The following MAP3K4 variants were observed in gnomAD, a reference collection of about 807,000 sequenced individuals.
MAP3K4 encodes the protein mitogen-activated protein kinase kinase kinase 4.
Under a neutral mutation model 185.6 loss-of-function variants are expected in MAP3K4, and 67 were observed. The ratio of observed to expected loss-of-function variants is 0.36; its 90% CI spans 0.30 to 0.44. The LOEUF (loss-of-function observed/expected upper bound fraction) is 0.44, where lower values mean the gene tolerates loss of function less well. MAP3K4 is among the 20% of genes least tolerant of loss of function. The pLI, the probability that MAP3K4 is intolerant of heterozygous loss-of-function variation, is 1.00. For synonymous variants in MAP3K4, 702 were observed against 710.4 expected, an observed-to-expected ratio of 0.99 and a Z score of 0.19; for missense variants, 1,551 against 1,995.1, an observed-to-expected ratio of 0.78 and a Z score of 4.24.
At position 161,071,870 on chromosome 6, in the gene MAP3K4, T is replaced by A. The variant is rs1784959849; in HGVS notation, c.1950+1020T>A. On this transcript the variant is annotated intron_variant, in intron 4 of 26. Coordinates refer to ENST00000392142, the MANE Select transcript of MAP3K4 (RefSeq NM_005922.4). This position sits in a 1 kb window ranked among gnomAD's most constrained non-coding sequence, Gnocchi z 4.6. ...ATCGCAGTGGTTATCTAGGACATTT[T>A]GGGAAAATACTTCTCAGCTTCCTTC... 6.6e-6 allele frequency among the ~76,000 whole-genome samples: 1 copy of A among 152,210 alleles called. No individual in the cohort carries two copies. Among genetic ancestry groups the A allele is most frequent in the African/African-American group, 2.4e-5 (1 of 41,454 alleles).
chr6:161,059,376 ATCTGCCTGCCTTGG>A lies in MAP3K4; in HGVS notation c.1707+9401_1707+9414del, dbSNP rs1205201530. On this transcript the variant is annotated intron_variant, in intron 3 of 26. Transcript: ENST00000392142. ...GGTCTCGAACTCCTGGCCTCAAGTG[ATCTGCCTGCCTTGG>A]TCTCCCAAAGTACTGGGATTACAGG... Among the ~76,000 whole-genome samples the A allele has an allele frequency of 2.6e-5, 4 of 152,112 alleles. No individual in the cohort carries two copies. The East Asian group carries it at 7.7e-4, about 29-fold the overall frequency.
Position 161,019,707 on chromosome 6 carries a change from C to A in MAP3K4, c.153-14552C>A, listed in dbSNP as rs549099734. On this transcript the variant is annotated intron_variant, in intron 1 of 26. Coordinates refer to ENST00000392142, the MANE Select transcript of MAP3K4 (RefSeq NM_005922.4). ...TACAGGCGTGAGCTGTGGACCACGC[C>A]CAGCCTTTCTTTCAGAAGGCTTTTT... 1.1e-4 allele frequency among the ~76,000 whole-genome samples: 16 copies of A among 152,270 alleles called. No individual in the cohort carries two copies. In the South Asian group the frequency reaches 3.3e-3, roughly 32 times the overall value.
Position 161,063,230 on chromosome 6 carries a change from CATT to C in MAP3K4, c.1708-7374_1708-7372del, listed in dbSNP as rs1271259239. On this transcript the variant is annotated intron_variant, in intron 3 of 26. Coordinates refer to ENST00000392142, the MANE Select transcript of MAP3K4 (RefSeq NM_005922.4). This position sits in a 1 kb window ranked among gnomAD's most constrained non-coding sequence, Gnocchi z 5.4. ...TTTTTTTTCTAATTCTAATTTTTGT[CATT>C]ATTTTATATTTTTTATGATTTTCTT... 2.0e-5 allele frequency among the ~76,000 whole-genome samples: 3 copies of C among 151,600 alleles called. No individual in the cohort carries two copies. Among genetic ancestry groups the C allele is most frequent in the Middle Eastern group, 3.2e-3 (1 of 316 alleles).
In MAP3K4 at chr6:161,116,640, C is replaced by A. The variant is rs1034627637; in HGVS notation, c.4807-210C>A. ...ATATAGGCGTTTTAGAAAATGCTTT[C>A]ATTAGTCAGTTCCCAGGCTTAACTT... On this transcript the variant is annotated intron_variant, in intron 26 of 26. Transcript: ENST00000392142. The surrounding 1 kb of genome is among the most constrained non-coding windows in gnomAD (Gnocchi z 6.2). Among the ~76,000 whole-genome samples the A allele has an allele frequency of 5.9e-5, 9 of 152,204 alleles. No individual in the cohort carries two copies. Among genetic ancestry groups the A allele is most frequent in the Non-Finnish European group, 1.0e-4 (7 of 68,038 alleles).
intron 2 of MAP3K4, among the ~76,000 whole-genome samples, chr6:161,036,558 A>C (rs2035609053): frequency 6.6e-6 from 1 of 152,178 alleles, no homozygotes; most frequent in Admixed American, 6.5e-5. Context: ...GGCTTCTTAA[A>C]TTTAATGTTT....
chr6:161,111,963 G>C lies in MAP3K4; in HGVS notation c.4519+5G>C, dbSNP rs1420242314. ...ACAGCACCCTGGGGACAGCAGGTAGGGACCAGCCTGGTTGTTCTTTGCACT... is the reference window on the plus strand; with the variant it reads ...ACAGCACCCTGGGGACAGCAGGTAGCGACCAGCCTGGTTGTTCTTTGCACT... On this transcript the variant is annotated splice_donor_5th_base_variant and intron_variant, in intron 24 of 26. Coordinates refer to ENST00000392142, the MANE Select transcript of MAP3K4 (RefSeq NM_005922.4). 6.2e-7 allele frequency: 1 copy of C among 1,613,396 alleles called. No individual in the cohort carries two copies. The highest frequency in any genetic ancestry group is 1.3e-5 in the African/African-American group (1 of 74,904).
Position 161,049,764 on chromosome 6 carries a change from G to C in MAP3K4, c.1492G>C (p.Glu498Gln). Residue 498 changes from glutamate to glutamine, a missense_variant, in exon 3 of 27, where the codon GAA becomes CAA. By Grantham distance (29) the Glu-to-Gln change is conservative (BLOSUM62 2). Around this residue, in one of 16 missense-constraint regions of MAP3K4, gnomAD observed 126 missense variants for 112.8 expected, o/e 1.12. Transcript: ENST00000392142. This position sits in a 1 kb window ranked among gnomAD's most constrained non-coding sequence, Gnocchi z 8.4. ...DCISKKLERLESEDDSLGWGA... is the reference protein window; with the variant it reads ...DCISKKLERLQSEDDSLGWGA... The stretch of plus-strand genomic sequence containing the variant: ...CATATCCAAGAAGCTTGAGAGGCTC[G>C]AATCTGAGGATGATTCTCTTGGCTG... 2 of 1,614,090 alleles carry C rather than the reference G, an allele frequency of 1.2e-6. No homozygotes were observed. The highest frequency in any genetic ancestry group is 1.7e-6 in the Non-Finnish European group (2 of 1,180,014).
rs1354200515 is a variant in MAP3K4 at position 161,097,128 on chromosome 6, G to A, written c.3476G>A (p.Ser1159Asn). ...CCTATGAAGGTACCTCGATGCCATA[G>A]TGACCCTCCTAACCCACACCTCATT... The part of the protein sequence containing the change: ...PRPMKVPRCH[S>N]DPPNPHLIIP... Residue 1159 changes from serine (S) to asparagine (N), a missense_variant, in exon 16 of 27, where the codon AGT (serine) becomes AAT (asparagine). Ser to Asn is a conservative substitution (Grantham distance 46). Coordinates refer to ENST00000392142, the MANE Select transcript of MAP3K4 (RefSeq NM_005922.4). This position sits in a 1 kb window ranked among gnomAD's most constrained non-coding sequence, Gnocchi z 4.9. 3.1e-6 allele frequency: 5 copies of A among 1,614,138 alleles called. No homozygotes were observed. The highest frequency in any genetic ancestry group is 4.2e-6 in the Non-Finnish European group (5 of 1,180,018).
At chr6:161,065,113 G>A (rs1784649751) in intron 3 of MAP3K4, among the ~76,000 whole-genome samples, 1 of 152,156 alleles carries the variant, frequency 6.6e-6, no homozygotes, top group African/African-American at 2.4e-5. Flanking sequence ...TCACTAGGAG[G>A]AAGTTGTATA....
In MAP3K4 at chr6:161,029,083, C is replaced by T. The variant is rs572006456; in HGVS notation, c.153-5176C>T. 1.1e-4 allele frequency among the ~76,000 whole-genome samples: 16 copies of T among 152,290 alleles called. No homozygotes were observed. In the Middle Eastern group the frequency reaches 0.01, roughly 97 times the overall value. On this transcript the variant is annotated intron_variant, in intron 1 of 26. Transcript: ENST00000392142. ...TTCTGCCTATGTCCCTCCTCTCTTT[C>T]CCCCAATAGCAGAAATCTCCCTAAT...
Position 161,049,315 on chromosome 6 carries a change from GGGTCTCATTT to G in MAP3K4, c.1045_1054del (p.Val349SerfsTer3). The G allele has an allele frequency of 6.2e-7, 1 of 1,614,184 alleles. No homozygotes were observed. Among genetic ancestry groups the G allele is most frequent in the Non-Finnish European group, 8.5e-7 (1 of 1,180,024 alleles). On this transcript the variant is annotated frameshift_variant, in exon 3 of 27. Coordinates refer to ENST00000392142, the MANE Select transcript of MAP3K4 (RefSeq NM_005922.4). LOFTEE classifies it high-confidence loss of function. The surrounding 1 kb of genome is among the most constrained non-coding windows in gnomAD (Gnocchi z 8.4). Reference sequence around the variant, plus strand: ...CATCATGAGCATCTCCAACGCCAGAGGGTCTCATTTGAGCAGGTAAAACGGATAATGGAGC... The same window carrying G: ...CATCATGAGCATCTCCAACGCCAGAGGAGCAGGTAAAACGGATAATGGAGC...
rs1159658513 is a variant in MAP3K4 at position 161,053,985 on chromosome 6, G to A, written c.1707+4006G>A. Among the ~76,000 whole-genome samples the A allele has an allele frequency of 6.6e-6, 1 of 152,174 alleles. No homozygotes were observed. The highest frequency in any genetic ancestry group is 6.5e-5 in the Admixed American group (1 of 15,282). On this transcript the variant is annotated intron_variant, in intron 3 of 26. Transcript: ENST00000392142. The surrounding 1 kb of genome is among the most constrained non-coding windows in gnomAD (Gnocchi z 4.2). ...TATTTTGCAGTTTTTGTGGTTTCGT[G>A]ATAATAGGAATGAATATAGGTGAAG...
chr6:161,040,914 T>C (rs1783421070), intron 2 of MAP3K4, among the ~76,000 whole-genome samples: 2 of 152,262 alleles, frequency 1.3e-5, no homozygotes, highest in Admixed American at 6.5e-5. Flanking sequence ...TTCTGCATGC[T>C]GCTGGCCAGT....
rs1785116717 is a variant in MAP3K4 at position 161,075,236 on chromosome 6, T to C, written c.2097+1624T>C. On this transcript the variant is annotated intron_variant, in intron 5 of 26. Coordinates refer to ENST00000392142, the MANE Select transcript of MAP3K4 (RefSeq NM_005922.4). The surrounding 1 kb of genome is among the most constrained non-coding windows in gnomAD (Gnocchi z 4.3). ...GTGGTGTGTTGACGGCTTCCTGTAG[T>C]CTCAACCTACTGGGCTCAAACGATC... Among the ~76,000 whole-genome samples the C allele has an allele frequency of 6.6e-6, 1 of 152,184 alleles. No individual in the cohort carries two copies. The highest frequency in any genetic ancestry group is 2.1e-4 in the South Asian group (1 of 4,832).
intron 19 of MAP3K4, among the ~76,000 whole-genome samples, chr6:161,105,476 C>T (rs373654543): frequency 4.6e-5 from 7 of 152,078 alleles, no homozygotes; most frequent in South Asian, 2.1e-4. Context: ...TAGAAAATGG[C>T]GAGGCCAGCA....
rs1363677656 is a variant in MAP3K4, at chr6:161,098,040, T to C, written c.3525-238T>C. 1.3e-5 allele frequency among the ~76,000 whole-genome samples: 2 copies of C among 152,124 alleles called. No individual in the cohort carries two copies. Among genetic ancestry groups the C allele is most frequent in the Non-Finnish European group, 2.9e-5 (2 of 68,022 alleles). On this transcript the variant is annotated intron_variant, in intron 16 of 26. Coordinates refer to ENST00000392142, the MANE Select transcript of MAP3K4 (RefSeq NM_005922.4). The surrounding 1 kb of genome is among the most constrained non-coding windows in gnomAD (Gnocchi z 4.4). Reference sequence around the variant, plus strand: ...AGGTCAAGGCTGCAGTGAGCTATGATTGCGCCACTGCACTCCAGCCTGGAC... The same window carrying C: ...AGGTCAAGGCTGCAGTGAGCTATGACTGCGCCACTGCACTCCAGCCTGGAC...
intron 1 of MAP3K4, among the ~76,000 whole-genome samples, chr6:161,016,975 A>G (rs1782146406): frequency 6.6e-6 from 1 of 152,176 alleles, no homozygotes; most frequent in African/African-American, 2.4e-5. Flanking sequence ...GTTTTTCAGC[A>G]TTTTGTAACA....
rs1784905094 is a variant in MAP3K4 at position 161,070,778 on chromosome 6, C to T, written c.1878C>T (p.Val626=). Reference sequence around the variant, plus strand: ...TTCTCTGCCGAGTCCTTCTGAATGTCATACATGAGTGTCTGAAGTTAAGAT... The same window carrying T: ...TTCTCTGCCGAGTCCTTCTGAATGTTATACATGAGTGTCTGAAGTTAAGAT... The part of the protein sequence containing the change: ...FLVLCRVLLN[V]IHECLKLRLE... Residue 626 remains valine, a synonymous_variant, in exon 4 of 27, where the codon GTC becomes GTT. Transcript: ENST00000392142. This position sits in a 1 kb window ranked among gnomAD's most constrained non-coding sequence, Gnocchi z 4.5. 6.2e-7 allele frequency: 1 copy of T among 1,614,104 alleles called. No individual in the cohort carries two copies. Among genetic ancestry groups the T allele is most frequent in the South Asian group, 1.1e-5 (1 of 91,050 alleles).
chr6:161,049,920 A>T lies in MAP3K4; in HGVS notation c.1648A>T (p.Met550Leu). The T allele has an allele frequency of 6.2e-7, 1 of 1,614,052 alleles. No individual in the cohort carries two copies. Among genetic ancestry groups the T allele is most frequent in the African/African-American group, 1.3e-5 (1 of 75,054 alleles). The part of the protein sequence containing the change: ...RKLILRLHKL[M>L]DGSLQRARIA... The stretch of plus-strand genomic sequence containing the variant: ...GTTAATTTTAAGACTTCACAAGCTA[A>T]TGGATGGTTCCTTGCAAAGGGCACG... Residue 550 changes from methionine (M) to leucine (L), a missense_variant, in exon 3 of 27, where the codon ATG (methionine) becomes TTG (leucine). Physicochemically the swap from Met to Leu is conservative, Grantham distance 15. Coordinates refer to ENST00000392142, the MANE Select transcript of MAP3K4 (RefSeq NM_005922.4). This position sits in a 1 kb window ranked among gnomAD's most constrained non-coding sequence, Gnocchi z 8.4.
Sources: gnomAD v4.1 joint callset for allele counts (sites outside exome capture counted in the v4.1 genomes callset) on GRCh38, gnomAD v4.1.1 for gene constraint, gnomAD v4.1.1 regional missense constraint, Gnocchi (gnomAD v3.1) non-coding constraint, MANE v1.5 for transcripts, NCBI Gene and HGNC (gene_info 2026-07-23, HGNC 2026-07-21) for gene names.